The following OSBPL9 variants were observed in gnomAD, a reference collection of about 807,000 sequenced individuals.
OSBPL9 encodes the protein oxysterol binding protein like 9, also known as oxysterol-binding protein-related protein 9.
Under a neutral mutation model 106.6 loss-of-function variants are expected in OSBPL9, and 40 were observed. That is an observed-to-expected ratio of 0.38 (90% CI 0.29 to 0.49). OSBPL9 has a LOEUF of 0.49. Ranked by LOEUF, OSBPL9 falls within the 20% of genes least tolerant of loss-of-function variation. The pLI, the probability that OSBPL9 is intolerant of heterozygous loss-of-function variation, is 0.97. For synonymous variants in OSBPL9, 269 were observed against 295.4 expected (o/e 0.91, Z 0.92); for missense variants, 609 against 887.2 (o/e 0.69, Z 3.98).
chr1:51,633,872 A>C (rs556264279), intron 1 of OSBPL9, among the ~76,000 whole-genome samples: 1 of 152,006 alleles, frequency 6.6e-6, no homozygotes, highest in South Asian at 2.1e-4. Context: ...TGATCTTTCC[A>C]CCTCAGCCTC....
chr1:51,581,240 G>A (rs2148598987), intron 1 of OSBPL9, among the ~76,000 whole-genome samples: 1 of 151,726 alleles, frequency 6.6e-6, no homozygotes, highest in East Asian at 2.0e-4. Flanking sequence ...TCTTTCTACT[G>A]GAATTGGTCT....
At chr1:51,694,214 G>T (rs1655565656) in intron 3 of OSBPL9, among the ~76,000 whole-genome samples, 1 of 152,166 alleles carries the variant, frequency 6.6e-6, no homozygotes, top group South Asian at 2.1e-4. Flanking sequence ...TTTAAAAATA[G>T]CCACAAGAAA....
chr1:51,680,507 A>C (rs1338884646), intron 3 of OSBPL9, among the ~76,000 whole-genome samples: 2 of 151,828 alleles, frequency 1.3e-5, no homozygotes, highest in Admixed American at 1.3e-4. Context: ...AAAAAGAAAA[A>C]AAAATTTAGC....
chr1:51,603,974 G>T (rs1440574112), intron 2 of OSBPL9, among the ~76,000 whole-genome samples: 6 of 152,120 alleles, frequency 3.9e-5, no homozygotes, highest in Non-Finnish European at 5.9e-5. Flanking sequence ...CCCAATGGAG[G>T]GGTGAGAAAA....
intron 4 of OSBPL9, chr1:51,740,277 A>C (rs1302319811): frequency 6.4e-6 from 9 of 1,408,618 alleles, no homozygotes; most frequent in Non-Finnish European, 8.4e-6. Context: ...TCTGTGATGC[A>C]TGTCATCTCA....
At chr1:51,616,027 T>TTTTTTTTGTGTG (rs1292732346), upstream of OSBPL9, among the ~76,000 whole-genome samples, 1 of 147,426 alleles carries the variant, frequency 6.8e-6, no homozygotes, top group African/African-American at 2.6e-5. Context: ...TTTTTTTTTT[T>TTTTTTTTGTGTG]TGTGTGAGAG....
intron 18 of OSBPL9, 33 bp downstream of exon 18, chr1:51,784,058 T>C (rs774895917): frequency 1.9e-6 from 3 of 1,542,892 alleles, no homozygotes; most frequent in Non-Finnish European, 2.7e-6. Flanking sequence ...GACTACAATG[T>C]TATAGGAGAA....
chr1:51,657,874 G>A (rs1370958513), intron 2 of OSBPL9, among the ~76,000 whole-genome samples: 2 of 152,086 alleles, frequency 1.3e-5, no homozygotes, highest in Non-Finnish European at 2.9e-5. Flanking sequence ...GATTCAGGAG[G>A]ATCACTTGAG....
intron 12 of OSBPL9, among the ~76,000 whole-genome samples, chr1:51,770,048 A>G (rs1031964984): frequency 6.6e-6 from 1 of 152,090 alleles, no homozygotes; most frequent in Non-Finnish European, 1.5e-5. Flanking sequence ...ACAGCTCACT[A>G]TAGCCTCAAC....
At chr1:51,780,023 A>G (rs944170014) in intron 15 of OSBPL9, among the ~76,000 whole-genome samples, 4 of 151,724 alleles carry the variant, frequency 2.6e-5, no homozygotes, top group African/African-American at 9.7e-5. Context: ...GCTTGCAGTG[A>G]GCCAAGATCG....
intron 12 of OSBPL9, among the ~76,000 whole-genome samples, chr1:51,766,455 A>G (rs1672576466): frequency 6.6e-6 from 1 of 152,202 alleles, no homozygotes; most frequent in Non-Finnish European, 1.5e-5. Flanking sequence ...GGTTACAAAG[A>G]TCCAGGCCCT....
At chr1:51,697,476 T>TA (rs1656301469) in intron 3 of OSBPL9, among the ~76,000 whole-genome samples, 1 of 147,318 alleles carries the variant, frequency 6.8e-6, no homozygotes, top group Non-Finnish European at 1.5e-5. Context: ...TTTTTTTTTT[T>TA]ACTTAAATTG....
chr1:51,695,084 G>A (rs1410558738), intron 3 of OSBPL9, among the ~76,000 whole-genome samples: 2 of 152,216 alleles, frequency 1.3e-5, no homozygotes, highest in African/African-American at 4.8e-5. Context: ...ATACTTTAGT[G>A]TGTAGCAGAA....
chr1:51,758,122 A>G (rs1177145578), intron 9 of OSBPL9, among the ~76,000 whole-genome samples: 2 of 152,178 alleles, frequency 1.3e-5, no homozygotes, highest in East Asian at 3.8e-4. Context: ...TCTATCAAAA[A>G]CAATAACAAA....
At chr1:51,743,428 A>C (rs1667346210) in intron 4 of OSBPL9, among the ~76,000 whole-genome samples, 1 of 152,238 alleles carries the variant, frequency 6.6e-6, no homozygotes. Context: ...GATAGCAGTA[A>C]TTTAAATCTG....
At position 51,608,686 on chromosome 1, in the gene OSBPL9, G is replaced by C. The variant is rs566859079; in HGVS notation, c.-352-5619G>C. On this transcript the variant is annotated intron_variant, in intron 2 of 25. Transcript: ENST00000371714. ...CCTGACATTCCTGGATTGGGGGGGG[G>C]GGCTTTCCTGCCCTGCTCTTGTCCG... Among the ~76,000 whole-genome samples the C allele has an allele frequency of 8.6e-5, 13 of 151,456 alleles. No individual in the cohort carries two copies. In the East Asian group the frequency reaches 9.7e-4, roughly 11 times the overall value.
At chr1:51,692,616 CTCCTTCCT>C (rs893447252) in intron 3 of OSBPL9, among the ~76,000 whole-genome samples, 3 of 149,448 alleles carry the variant, frequency 2.0e-5, no homozygotes, top group Admixed American at 6.7e-5. Context: ...CTTTCTCTCT[CTCCTTCCT>C]TCCTTCCTTC....
intron 4 of OSBPL9, among the ~76,000 whole-genome samples, chr1:51,737,213 A>C (rs541909778): frequency 1.3e-5 from 2 of 152,138 alleles, no homozygotes; most frequent in East Asian, 3.9e-4. Flanking sequence ...GGTGTATCTG[A>C]GCAGCTTTAG....
At chr1:51,609,983 G>A (rs969005556) in intron 2 of OSBPL9, among the ~76,000 whole-genome samples, 9 of 150,922 alleles carry the variant, frequency 6.0e-5, no homozygotes, top group African/African-American at 9.7e-5. Context: ...TCCTGACCTC[G>A]TGATCTGCCT....
Sources: allele counts gnomAD v4.1 joint callset (sites outside exome capture counted in the v4.1 genomes callset), GRCh38; gene constraint gnomAD v4.1.1; transcripts MANE v1.5; gene names NCBI Gene and HGNC (gene_info 2026-07-23, HGNC 2026-07-21).